TNKS: variants seen among roughly 807,000 people sequenced by gnomAD.
TNKS encodes poly [ADP-ribose] polymerase tankyrase-1.
In TNKS, 72 loss-of-function variants were observed where a neutral mutation model predicts 135.8. The observed-to-expected ratio is 0.53, with a 90% CI of 0.44 to 0.64. TNKS has a LOEUF of 0.64. TNKS is among the 30% of genes least tolerant of loss of function. The pLI is 0.00. For synonymous variants in TNKS, 849 were observed against 649.3 expected, an observed-to-expected ratio of 1.31 and a Z score of -4.68; for missense variants, 1,769 against 1,674.0, an observed-to-expected ratio of 1.06 and a Z score of -0.99.
intron 2 of TNKS, among the ~76,000 whole-genome samples, chr8:9,596,116 C>T (rs1798777079): frequency 1.3e-5 from 2 of 152,088 alleles, no homozygotes; most frequent in East Asian, 1.9e-4. Context: ...TCTCAAAATA[C>T]ATATATACAT....
rs35491087 is a variant in TNKS, at chr8:9,748,089, G to A, written c.2709G>A (p.Ala903=). 157 of 1,613,920 alleles carry A rather than the reference G, an allele frequency of 9.7e-5. 2 individuals carry two copies. In the South Asian group the frequency reaches 1.3e-3, roughly 14 times the overall value. The change falls in exon 18 of 27, where the codon GCG becomes GCA. Residue 903 remains alanine (A), a synonymous_variant. Transcript: ENST00000310430. ...GTGTAAATGCAACAGATAAGTGGGC[G>A]TTTACTCCCCTCCATGAAGCAGCCC... is the stretch of plus-strand genomic sequence containing the variant. ...NTCVNATDKW[A]FTPLHEAAQK... is the part of the protein sequence containing the mutation.
chr8:9,765,735 A>G lies in TNKS; in HGVS notation c.3491A>G (p.His1164Arg), dbSNP rs1293713110. 6.2e-7 allele frequency: 1 copy of G among 1,614,056 alleles called. No homozygotes were observed. Among genetic ancestry groups the G allele is most frequent in the Non-Finnish European group, 8.5e-7 (1 of 1,179,942 alleles). ...VNKKLRERFC[H>R]RQKEVSEENH... Reference sequence around the variant, plus strand: ...AAGAAGTTGAGGGAGCGGTTCTGCCACCGACAGAAGGAAGTGTCTGAGGAG... The same window carrying G: ...AAGAAGTTGAGGGAGCGGTTCTGCCGCCGACAGAAGGAAGTGTCTGAGGAG... The change falls in exon 24 of 27, where the codon CAC (histidine) becomes CGC (arginine). Residue 1164 changes from histidine (H) to arginine (R), a missense_variant. By Grantham distance (29) the His-to-Arg change is conservative. Coordinates refer to ENST00000310430, the MANE Select transcript of TNKS (RefSeq NM_003747.3).
intron 26 of TNKS, among the ~76,000 whole-genome samples, chr8:9,773,580 A>G (rs1808061436): frequency 1.3e-5 from 2 of 152,196 alleles, no homozygotes; most frequent in South Asian, 2.1e-4. Flanking sequence ...AGAAATAATA[A>G]GGAATACTTA....
chr8:9,710,181 T>C lies in TNKS; in HGVS notation c.1710T>C (p.His570=), dbSNP rs1804252658. The C allele has an allele frequency of 6.2e-7, 1 of 1,614,218 alleles. No individual in the cohort carries two copies. Among genetic ancestry groups the C allele is most frequent in the Non-Finnish European group, 8.5e-7 (1 of 1,180,036 alleles). ...TGCATGTTGCAGCCGAAAGAGCCCATAATGATGTCATGGAAGTTCTGCATA... is the reference window on the plus strand; with the variant it reads ...TGCATGTTGCAGCCGAAAGAGCCCACAATGATGTCATGGAAGTTCTGCATA... ...TPLHVAAERA[H]NDVMEVLHKH... Residue 570 remains histidine, a synonymous_variant, in exon 11 of 27, where the codon CAT becomes CAC. Transcript: ENST00000310430.
intron 1 of TNKS, among the ~76,000 whole-genome samples, chr8:9,562,162 A>C (rs901653571): frequency 1.3e-5 from 2 of 151,920 alleles, no homozygotes; most frequent in African/African-American, 4.8e-5. Flanking sequence ...TCTACTGGGC[A>C]CACTTCAGTT....
chr8:9,566,352 C>G (rs1797539565), intron 1 of TNKS: 1 of 152,084 alleles, frequency 6.6e-6, no homozygotes, highest in Non-Finnish European at 1.5e-5. Flanking sequence ...CTCCTTCTCC[C>G]CAGCCCCAAA....
intron 17 of TNKS, 36 bp downstream of exon 17, chr8:9,735,522 C>A (rs150355241): frequency 1.9e-6 from 3 of 1,557,016 alleles, no homozygotes; most frequent in Non-Finnish European, 2.7e-6. Flanking sequence ...GAAAACTGAC[C>A]GCACGCGGTG....
Position 9,556,014 on chromosome 8 carries a change from A to G in TNKS, c.75A>G (p.Ser25=). Residue 25 remains serine (S), a synonymous_variant, in exon 1 of 27, where the codon TCA becomes TCG. Coordinates refer to ENST00000310430, the MANE Select transcript of TNKS (RefSeq NM_003747.3). Reference sequence around the variant, plus strand: ...AGCTCCAGCCCGCCCCAGGGGCTTCAGCGCCGCCGCCGCCACCTCCTCCCC... The same window carrying G: ...AGCTCCAGCCCGCCCCAGGGGCTTCGGCGCCGCCGCCGCCACCTCCTCCCC... ...QQQLQPAPGA[S]APPPPPPPPL... 3 of 1,612,776 alleles carry G rather than the reference A, an allele frequency of 1.9e-6. No individual in the cohort carries two copies. Among genetic ancestry groups the G allele is most frequent in the Non-Finnish European group, 2.5e-6 (3 of 1,179,756 alleles).
intron 2 of TNKS, among the ~76,000 whole-genome samples, chr8:9,592,177 G>A (rs1798613267): frequency 6.6e-6 from 1 of 152,180 alleles, no homozygotes; most frequent in Non-Finnish European, 1.5e-5. Context: ...TAGGGAAATA[G>A]GCTGTTTTTA....
intron 3 of TNKS, among the ~76,000 whole-genome samples, chr8:9,652,874 G>A (rs1801196737): frequency 6.6e-6 from 1 of 152,136 alleles, no homozygotes; most frequent in Non-Finnish European, 1.5e-5. Context: ...TGAGAAACAT[G>A]AAACTCAGAG....
intron 17 of TNKS, among the ~76,000 whole-genome samples, chr8:9,747,153 G>A (rs1806278198): frequency 6.6e-6 from 1 of 151,990 alleles, no homozygotes. Flanking sequence ...AAAGTGCTGG[G>A]ATTACAGGCG....
At chr8:9,575,782 GC>G (rs1484259229) in intron 1 of TNKS, among the ~76,000 whole-genome samples, 67 of 152,260 alleles carry the variant, frequency 4.4e-4, no homozygotes, top group African/African-American at 1.5e-3. Context: ...AGGAACAGAT[GC>G]TTTTATCAAT....
intron 1 of TNKS, among the ~76,000 whole-genome samples, chr8:9,570,999 T>C (rs1797734469): frequency 6.6e-6 from 1 of 152,152 alleles, no homozygotes; most frequent in South Asian, 2.1e-4. Flanking sequence ...AATCAACCAT[T>C]AAAAATGGAG....
chr8:9,645,997 G>A (rs983963753), intron 3 of TNKS, among the ~76,000 whole-genome samples: 2 of 152,040 alleles, frequency 1.3e-5, no homozygotes, highest in African/African-American at 4.8e-5. Flanking sequence ...ACCCTTCTCA[G>A]TTCTTCAATT....
chr8:9,650,462 A>G (rs1049340567), intron 3 of TNKS, among the ~76,000 whole-genome samples: 1 of 152,140 alleles, frequency 6.6e-6, no homozygotes, highest in Non-Finnish European at 1.5e-5. Context: ...CCTTTTCACC[A>G]TATCCACACC....
chr8:9,765,664 A>G (rs541125137), intron 23 of TNKS, 28 bp from the exon 24 acceptor site: 1 of 1,565,236 alleles, frequency 6.4e-7, no homozygotes, highest in East Asian at 2.2e-5. Context: ...TTTCACCGAT[A>G]ATGTTTCTTT....
chr8:9,701,447 A>T (rs969856928), intron 5 of TNKS, among the ~76,000 whole-genome samples: 5 of 152,184 alleles, frequency 3.3e-5, no homozygotes, highest in Admixed American at 2.6e-4. Context: ...TATGTGCTAT[A>T]CTAGCTTGCT....
At chr8:9,610,294 C>G (rs1209913336) in intron 2 of TNKS, among the ~76,000 whole-genome samples, 1 of 136,480 alleles carries the variant, frequency 7.3e-6, no homozygotes, top group South Asian at 2.3e-4. Flanking sequence ...TTTAAAAAAT[C>G]TATAATATAT....
intron 2 of TNKS, among the ~76,000 whole-genome samples, chr8:9,583,079 A>G (rs892071357): frequency 6.6e-6 from 1 of 150,422 alleles, no homozygotes; most frequent in African/African-American, 2.4e-5. Flanking sequence ...AGGCAGGAGA[A>G]TGGCATGAAC....
Sources: gnomAD v4.1 joint callset for allele counts (sites outside exome capture counted in the v4.1 genomes callset) on GRCh38, gnomAD v4.1.1 for gene constraint, MANE v1.5 for transcripts, NCBI Gene and HGNC (gene_info 2026-07-23, HGNC 2026-07-21) for gene names.